DPYD: variants seen among roughly 807,000 people sequenced by gnomAD.
DPYD encodes the protein dihydropyrimidine dehydrogenase [NADP(+)].
DPYD carries 109 observed loss-of-function variants against 116.2 expected under a neutral mutation model. That is an observed-to-expected ratio of 0.94 (90% CI 0.80 to 1.10). The LOEUF (loss-of-function observed/expected upper bound fraction) is 1.10. Among genes scored for constraint, DPYD ranks in the 50% least tolerant of loss-of-function variants. The pLI is 0.00. For synonymous variants in DPYD, 440 were observed against 432.0 expected (o/e 1.02, Z -0.23); for missense variants, 1,302 against 1,254.5 (o/e 1.04, Z -0.57).
intron 3 of DPYD, among the ~76,000 whole-genome samples, chr1:97,808,371 T>A (rs1213711889): frequency 2.6e-5 from 4 of 152,196 alleles, no homozygotes; most frequent in African/African-American, 9.6e-5. Flanking sequence ...TTGGTGCTAA[T>A]TTAAATGATA....
chr1:97,294,248 T>A (rs900044503), intron 18 of DPYD, among the ~76,000 whole-genome samples: 1 of 152,180 alleles, frequency 6.6e-6, no homozygotes, highest in Non-Finnish European at 1.5e-5. Context: ...TCTCACACCA[T>A]ATCATGACAG....
intron 20 of DPYD, among the ~76,000 whole-genome samples, chr1:97,170,492 A>C (rs1483749008): frequency 6.6e-6 from 1 of 152,152 alleles, no homozygotes; most frequent in East Asian, 1.9e-4. Context: ...GCATGCAGCC[A>C]GGCAACCATA....
intron 2 of DPYD, among the ~76,000 whole-genome samples, chr1:97,865,060 G>A (rs1335477071): frequency 4.0e-5 from 6 of 151,660 alleles, no homozygotes; most frequent in Non-Finnish European, 7.4e-5. Context: ...GAAGGAGAGG[G>A]AAAAAATGTC....
At chr1:97,186,069 T>C (rs754550546) in intron 20 of DPYD, among the ~76,000 whole-genome samples, 5 of 152,200 alleles carry the variant, frequency 3.3e-5, no homozygotes, top group Non-Finnish European at 7.3e-5. Context: ...AAACTGTCAT[T>C]ATGCTTTTGG....
intron 3 of DPYD, among the ~76,000 whole-genome samples, chr1:97,756,483 G>A: frequency 6.6e-6 from 1 of 152,086 alleles, no homozygotes; most frequent in East Asian, 1.9e-4. Flanking sequence ...TCCATATGAT[G>A]AGACAACACT....
At chr1:97,508,678 C>T (rs12087910) in intron 13 of DPYD, among the ~76,000 whole-genome samples, 12,757 of 151,790 alleles carry the variant, frequency 0.084, 655 homozygotes, top group South Asian at 0.1. Context: ...TAATATGGTC[C>T]AGAGAGGATA....
At chr1:97,438,795 T>C (rs1675602080) in intron 14 of DPYD, among the ~76,000 whole-genome samples, 1 of 152,120 alleles carries the variant, frequency 6.6e-6, no homozygotes, top group Non-Finnish European at 1.5e-5. Flanking sequence ...GTTGTTTCTT[T>C]GGTATATTCC....
intron 5 of DPYD, chr1:97,720,260 G>C: frequency 2.0e-6 from 2 of 984,964 alleles, no homozygotes; most frequent in Middle Eastern, 5.2e-4. Context: ...TTAAAATGCT[G>C]TGTTAGTTGA....
At chr1:97,161,919 A>G (rs916801028) in intron 20 of DPYD, among the ~76,000 whole-genome samples, 26 of 152,014 alleles carry the variant, frequency 1.7e-4, no homozygotes, top group Admixed American at 4.6e-4. Flanking sequence ...TTTTATGGCT[A>G]CATAGTATTC....
chr1:97,342,657 A>T (rs186607745), intron 16 of DPYD, among the ~76,000 whole-genome samples: 1 of 152,324 alleles, frequency 6.6e-6, no homozygotes, highest in East Asian at 1.9e-4. Flanking sequence ...TAAGAAAATT[A>T]AAAACAAAGT....
intron 1 of DPYD, among the ~76,000 whole-genome samples, chr1:97,919,627 G>A (rs80197847): frequency 0.02 from 3,017 of 152,174 alleles, 92 homozygotes; most frequent in African/African-American, 0.065. Context: ...GGACCAAAAA[G>A]GAATAGACTA....
chr1:97,703,643 G>A (rs903246829), intron 5 of DPYD, among the ~76,000 whole-genome samples: 2 of 151,932 alleles, frequency 1.3e-5, no homozygotes, highest in African/African-American at 4.8e-5. Context: ...AAAGACCTCA[G>A]TAGCACTAAT....
At chr1:97,191,848 A>G (rs1205147356) in intron 20 of DPYD, among the ~76,000 whole-genome samples, 1 of 152,158 alleles carries the variant, frequency 6.6e-6, no homozygotes, top group Non-Finnish European at 1.5e-5. Flanking sequence ...ATAGTCATTG[A>G]TAAAGGCAAG....
chr1:97,906,553 A>G (rs1480389475), intron 1 of DPYD, among the ~76,000 whole-genome samples: 1 of 152,096 alleles, frequency 6.6e-6, no homozygotes, highest in Non-Finnish European at 1.5e-5. Flanking sequence ...CTATGGAATA[A>G]TATGTTTTGT....
At chr1:97,326,684 C>A (rs992529278) in intron 16 of DPYD, among the ~76,000 whole-genome samples, 3 of 151,818 alleles carry the variant, frequency 2.0e-5, no homozygotes, top group African/African-American at 7.2e-5. Flanking sequence ...ATAGAATATA[C>A]CACTCACAGT....
intron 12 of DPYD, among the ~76,000 whole-genome samples, chr1:97,520,687 C>G (rs1275481325): frequency 6.6e-6 from 1 of 151,662 alleles, no homozygotes; most frequent in Non-Finnish European, 1.5e-5. Flanking sequence ...CATGTGTTCT[C>G]ATTGTTCAAC....
intron 8 of DPYD, among the ~76,000 whole-genome samples, chr1:97,664,845 G>T (rs1659472207): frequency 6.6e-6 from 1 of 151,990 alleles, no homozygotes; most frequent in South Asian, 2.1e-4. Context: ...GTTGTAAAAG[G>T]CTGGAAGCTA....
Position 97,702,789 on chromosome 1 carries a change from T to C in DPYD, c.484-3242A>G, listed in dbSNP as rs937238230. ...ATTACCAAATAATACACAATATGTATGTATTTTCACCTAAAATATTTTAAT... is the reference window on the plus strand; with the variant it reads ...ATTACCAAATAATACACAATATGTACGTATTTTCACCTAAAATATTTTAAT... On this transcript the variant is annotated intron_variant, in intron 5 of 22. Transcript: ENST00000370192. Among the ~76,000 whole-genome samples the C allele has an allele frequency of 6.6e-5, 10 of 152,130 alleles. No individual in the cohort carries two copies. The East Asian group carries it at 1.9e-3, about 29-fold the overall frequency.
intron 12 of DPYD, among the ~76,000 whole-genome samples, chr1:97,540,424 G>C (rs1413470425): frequency 6.6e-6 from 1 of 152,066 alleles, no homozygotes; most frequent in East Asian, 1.9e-4. Context: ...TTATTACAAA[G>C]AGTATTTTAA....
Sources: gnomAD v4.1 joint callset for allele counts (sites outside exome capture counted in the v4.1 genomes callset) on GRCh38, gnomAD v4.1.1 for gene constraint, MANE v1.5 for transcripts, NCBI Gene and HGNC (gene_info 2026-07-23, HGNC 2026-07-21) for gene names.